ALDH5A1: variants seen among roughly 807,000 people sequenced by gnomAD.
The protein encoded by ALDH5A1 is succinate-semialdehyde dehydrogenase, mitochondrial.
A neutral mutation model predicts 54.7 loss-of-function variants in ALDH5A1; 33 were observed. The ratio of observed to expected loss-of-function variants is 0.60; its 90% confidence interval spans 0.46 to 0.81. The LOEUF (loss-of-function observed/expected upper bound fraction) is 0.81. Among genes scored for constraint, ALDH5A1 ranks in the 30% least tolerant of loss-of-function variants. The pLI, the probability that ALDH5A1 is intolerant of heterozygous loss-of-function variation, is 0.00. For synonymous variants in ALDH5A1, 294 were observed against 292.7 expected, an observed-to-expected ratio of 1.00 and a Z score of -0.05; for missense variants, 657 against 711.0, an observed-to-expected ratio of 0.92 and a Z score of 0.86.
chr6:24,499,843 T>C (rs368107297), intron 1 of ALDH5A1, among the ~76,000 whole-genome samples: 234 of 152,212 alleles, frequency 1.5e-3, no homozygotes, highest in African/African-American at 5.3e-3. Flanking sequence ...GTATTTTTAG[T>C]AGAGACGGGG....
At chr6:24,527,961 T>A (rs760718370) in intron 7 of ALDH5A1, 36 bp from the exon 8 acceptor site, 4 of 1,611,074 alleles carry the variant, frequency 2.5e-6, no homozygotes, top group Non-Finnish European at 3.4e-6. Context: ...AAAGATTGTA[T>A]CATGTGGAAA....
chr6:24,506,840 C>T (rs1581809984), intron 4 of ALDH5A1, among the ~76,000 whole-genome samples: 2 of 26,794 alleles, frequency 7.5e-5, no homozygotes, highest in East Asian at 6.5e-4. Context: ...TAGCAGCTTA[C>T]ATTAGTATAT....
chr6:24,499,112 A>G (rs1020809956), intron 1 of ALDH5A1, among the ~76,000 whole-genome samples: 4 of 151,484 alleles, frequency 2.6e-5, no homozygotes, highest in African/African-American at 9.7e-5. Flanking sequence ...AAAAAAAAAA[A>G]AAAAAAAGAA....
intron 8 of ALDH5A1, among the ~76,000 whole-genome samples, chr6:24,529,306 A>G (rs563135384): frequency 6.6e-6 from 1 of 152,046 alleles, no homozygotes; most frequent in African/African-American, 2.4e-5. Context: ...AGCTGGGACT[A>G]CAGGCATGTG....
intron 7 of ALDH5A1, 62 bp from the exon 8 acceptor site, chr6:24,527,935 C>T (rs1274143137): frequency 1.3e-6 from 2 of 1,578,892 alleles, no homozygotes; most frequent in Non-Finnish European, 1.7e-6. Flanking sequence ...TAGTTTTCTG[C>T]AGTTTAAACA....
intron 4 of ALDH5A1, among the ~76,000 whole-genome samples, chr6:24,505,200 G>A (rs920874507): frequency 2.0e-5 from 3 of 152,224 alleles, no homozygotes; most frequent in Non-Finnish European, 2.9e-5. Flanking sequence ...CAGGCCATAT[G>A]TTTTCAGCCT....
chr6:24,507,707 T>C (rs1759385690), intron 4 of ALDH5A1, among the ~76,000 whole-genome samples: 1 of 152,204 alleles, frequency 6.6e-6, no homozygotes, highest in Non-Finnish European at 1.5e-5. Flanking sequence ...CTTTCTCTTG[T>C]ATCTTTTTCA....
chr6:24,497,595 G>A (rs139458943), intron 1 of ALDH5A1, among the ~76,000 whole-genome samples: 20,130 of 148,860 alleles, frequency 0.14, 1,448 homozygotes, highest in South Asian at 0.18. Context: ...GTCCCCACTC[G>A]ACCCAGGAAG....
Position 24,502,531 on chromosome 6 carries a change from T to A in ALDH5A1, c.363T>A (p.Ser121Arg). 6.2e-7 allele frequency: 1 copy of A among 1,610,748 alleles called. No individual in the cohort carries two copies. ...TGTTATTTCTTTTGCAGGAGAGGAG[T>A]TCATTACTTCGGAAGTGGTACAATT... is the stretch of plus-strand genomic sequence containing the variant. ...RWREVSAKER[S>R]SLLRKWYNLM... is the part of the protein sequence containing the mutation. The change falls in exon 2 of 10, where the codon AGT becomes AGA. Residue 121 changes from serine to arginine, a missense_variant. Physicochemically the swap from Ser to Arg is moderately radical, Grantham distance 110 (BLOSUM62 -1). Coordinates refer to ENST00000357578, the MANE Select transcript of ALDH5A1 (RefSeq NM_001080.3).
intron 4 of ALDH5A1, among the ~76,000 whole-genome samples, chr6:24,507,509 C>T (rs1216186855): frequency 6.6e-6 from 1 of 151,690 alleles, no homozygotes; most frequent in Non-Finnish European, 1.5e-5. Context: ...AATAATGTCA[C>T]TAGAATATGT....
At chr6:24,522,604 T>A (rs1332706355) in intron 6 of ALDH5A1, 163 bp from the exon 7 acceptor site, 1 of 757,290 alleles carries the variant, frequency 1.3e-6, no homozygotes, top group African/African-American at 1.7e-5. Flanking sequence ...TCAGTGCTTT[T>A]ATCTTTGGGG....
intron 7 of ALDH5A1, among the ~76,000 whole-genome samples, chr6:24,526,290 G>C (rs1222270383): frequency 6.6e-6 from 1 of 152,026 alleles, no homozygotes; most frequent in Non-Finnish European, 1.5e-5. Context: ...GCACATAAGA[G>C]GAAAGGTCAG....
intron 8 of ALDH5A1, among the ~76,000 whole-genome samples, chr6:24,530,177 C>T (rs546704986): frequency 6.6e-6 from 1 of 152,208 alleles, no homozygotes; most frequent in Admixed American, 6.5e-5. Context: ...GAGTCCCTCC[C>T]CTCATCTGCC....
In ALDH5A1 at chr6:24,522,810, A is replaced by G; in HGVS notation, c.1058A>G (p.His353Arg). 1.2e-6 allele frequency: 2 copies of G among 1,614,152 alleles called. No homozygotes were observed. The highest frequency in any genetic ancestry group is 1.7e-6 in the Non-Finnish European group (2 of 1,180,018). The stretch of plus-strand genomic sequence containing the variant: ...CAATTCTTGGTGCAAAGGGGCATCC[A>G]TGATGCCTTTGTAAAAGCATTCGCC... ...SNQFLVQRGI[H>R]DAFVKAFAEA... The change falls in exon 7 of 10, where the codon CAT (histidine) becomes CGT (arginine). Residue 353 changes from histidine to arginine, a missense_variant. Transcript: ENST00000357578.
Position 24,495,357 on chromosome 6 carries a change from G to T in ALDH5A1, c.354+7G>T. On this transcript the variant is annotated splice_region_variant and intron_variant, in intron 1 of 9. Coordinates refer to ENST00000357578, the MANE Select transcript of ALDH5A1 (RefSeq NM_001080.3). Reference sequence around the variant, plus strand: ...GAGGGAGGTCTCCGCCAAGGTGAGAGAGCCCGGATGCAGGGGGCCAGAGCT... The same window carrying T: ...GAGGGAGGTCTCCGCCAAGGTGAGATAGCCCGGATGCAGGGGGCCAGAGCT... The T allele has an allele frequency of 1.3e-6, 2 of 1,532,428 alleles. No individual in the cohort carries two copies. The highest frequency in any genetic ancestry group is 1.7e-6 in the Non-Finnish European group (2 of 1,146,048). 94.9% of individuals were successfully genotyped at this position (1,532,428 alleles called of 1,614,324 possible). A position where few individuals can be genotyped will look rare whatever the true frequency, so the allele number is the denominator to read the frequency against.
intron 1 of ALDH5A1, among the ~76,000 whole-genome samples, chr6:24,498,172 A>G (rs1451518549): frequency 6.6e-6 from 1 of 152,232 alleles, no homozygotes; most frequent in Non-Finnish European, 1.5e-5. Flanking sequence ...AGGGTGAGAT[A>G]TCAAGAGTTC....
At chr6:24,529,157 T>A (rs1164337106) in intron 8 of ALDH5A1, among the ~76,000 whole-genome samples, 1 of 152,012 alleles carries the variant, frequency 6.6e-6, no homozygotes, top group African/African-American at 2.4e-5. Context: ...TTATCCACTT[T>A]TTTTTTCTTT....
intron 6 of ALDH5A1, 50 bp downstream of exon 6, chr6:24,520,594 AGTGT>A (rs371618925): frequency 8.7e-5 from 140 of 1,604,604 alleles, no homozygotes; most frequent in East Asian, 2.5e-4. Context: ...TGCATGTGTG[AGTGT>A]GTGTATGTGT....
rs1457708018 is a variant in ALDH5A1 at position 24,495,070 on chromosome 6, G to A, written c.74G>A (p.Arg25His). 7.5e-7 allele frequency: 1 copy of A among 1,328,546 alleles called. No homozygotes were observed. The allele number at this position is 1,328,546 out of a possible 1,614,324, so 82.3% of individuals were successfully genotyped here. A position where few individuals can be genotyped will look rare whatever the true frequency, so the allele number is the denominator to read the frequency against. The change falls in exon 1 of 10, where the codon CGC becomes CAC. Residue 25 changes from arginine (R) to histidine (H), a missense_variant. Physicochemically the swap from Arg to His is conservative, Grantham distance 29. Around this residue, in one of 2 missense-constraint regions of ALDH5A1, gnomAD observed 232 missense variants for 194.6 expected, o/e 1.19. Coordinates refer to ENST00000357578, the MANE Select transcript of ALDH5A1 (RefSeq NM_001080.3). ...LGSTFPGCRL[R>H]PRAGGLVPAS... Reference sequence around the variant, plus strand: ...TCGACGTTTCCAGGCTGCCGCCTCCGCCCCCGCGCCGGCGGCCTGGTCCCT... The same window carrying A: ...TCGACGTTTCCAGGCTGCCGCCTCCACCCCCGCGCCGGCGGCCTGGTCCCT...
Sources: allele counts gnomAD v4.1 joint callset (sites outside exome capture counted in the v4.1 genomes callset), GRCh38; gene constraint gnomAD v4.1.1; regional missense constraint gnomAD v4.1.1; transcripts MANE v1.5; gene names NCBI Gene and HGNC (gene_info 2026-07-23, HGNC 2026-07-21).